Variants in FAIM observed in about 807,000 individuals in gnomAD.
The protein encoded by FAIM is Fas apoptotic inhibitory molecule, also known as fas apoptotic inhibitory molecule 1.
A neutral mutation model predicts 21.2 loss-of-function variants in FAIM; 14 were observed. That is an observed-to-expected ratio of 0.66 (90% CI 0.44 to 1.03). FAIM has a LOEUF of 1.03. Among genes scored for constraint, FAIM ranks in the 50% least tolerant of loss-of-function variants. The pLI, the probability that FAIM is intolerant of heterozygous loss-of-function variation, is 0.00. For synonymous variants in FAIM, 86 were observed against 80.4 expected (o/e 1.07, Z -0.37); for missense variants, 222 against 247.1 (o/e 0.90, Z 0.68).
At chr3:138,619,871 T>G in intron 2 of FAIM, 101 bp downstream of exon 2, 1 of 1,192,954 alleles carries the variant, frequency 8.4e-7, no homozygotes, top group Non-Finnish European at 1.2e-6. Context: ...GAATACATTT[T>G]GTAAAATTGC....
At chr3:138,627,026 G>T (rs1324154802) in intron 4 of FAIM, among the ~76,000 whole-genome samples, 1 of 151,858 alleles carries the variant, frequency 6.6e-6, no homozygotes, top group Non-Finnish European at 1.5e-5. Flanking sequence ...TTGGTTGTTG[G>T]TCTTTTTCTC....
chr3:138,610,058 C>CA (rs2108329786), intron 1 of FAIM, among the ~76,000 whole-genome samples: 1 of 152,332 alleles, frequency 6.6e-6, no homozygotes, highest in African/African-American at 2.4e-5. Flanking sequence ...AAGATGTCAA[C>CA]ACTTGAGTGT....
chr3:138,615,722 G>T (rs1482126941), intron 1 of FAIM, among the ~76,000 whole-genome samples: 1 of 152,222 alleles, frequency 6.6e-6, no homozygotes, highest in Non-Finnish European at 1.5e-5. Flanking sequence ...CCAAAAAACA[G>T]ATGTCAGTCT....
chr3:138,625,901 ATG>A (rs2042933794), intron 4 of FAIM, among the ~76,000 whole-genome samples: 1 of 152,172 alleles, frequency 6.6e-6, no homozygotes, highest in Admixed American at 6.5e-5. Context: ...CACCTAAAAA[ATG>A]TGAGGCATAT....
At chr3:138,631,473 CAT>C (rs144816366) in intron 5 of FAIM, among the ~76,000 whole-genome samples, 2,635 of 152,264 alleles carry the variant, frequency 0.017, 63 homozygotes, top group African/African-American at 0.052. Flanking sequence ...TATTCATCCA[CAT>C]GTCTTTGTTT....
intron 1 of FAIM, among the ~76,000 whole-genome samples, chr3:138,617,593 ATTATACTATC>A (rs1468118458): frequency 6.9e-6 from 1 of 145,770 alleles, no homozygotes; most frequent in Non-Finnish European, 1.5e-5. Context: ...AGTACATGTA[ATTATACTATC>A]TTATACTATC....
rs758479053 is a variant in FAIM, at chr3:138,621,418, G to A, written c.56G>A (p.Ser19Asn). ...IFEDDESPPY[S>N]LEKMTDLVAV... ...TTTTATTCCTTTAGCCCTCCTTACA[G>A]CCTAGAAAAAATGACAGATCTCGTA... Residue 19 changes from serine (S) to asparagine (N), a missense_variant, in exon 3 of 6, where the codon AGC becomes AAC. Coordinates refer to ENST00000360570, the MANE Select transcript of FAIM (RefSeq NM_001033031.2). 3.7e-6 allele frequency: 6 copies of A among 1,613,816 alleles called. No individual in the cohort carries two copies. The highest frequency in any genetic ancestry group is 3.3e-5 in the Admixed American group (2 of 59,976).
intron 4 of FAIM, among the ~76,000 whole-genome samples, chr3:138,627,361 T>G (rs2042950331): frequency 6.6e-6 from 1 of 152,036 alleles, no homozygotes; most frequent in South Asian, 2.1e-4. Flanking sequence ...TTTTGTATTT[T>G]TAGTAGAGAC....
At chr3:138,632,390 G>A (rs2043015321) in intron 5 of FAIM, among the ~76,000 whole-genome samples, 1 of 151,854 alleles carries the variant, frequency 6.6e-6, no homozygotes, top group Non-Finnish European at 1.5e-5. Flanking sequence ...AATTTGAAGT[G>A]CCCAATAGCC....
rs112011465 is a variant in FAIM at position 138,618,083 on chromosome 3, C to T, written c.-16-1628C>T. 3.6e-3 allele frequency among the ~76,000 whole-genome samples: 545 copies of T among 151,396 alleles called. 2 individuals carry two copies. The highest frequency in any genetic ancestry group is 0.012 in the African/African-American group (504 of 41,354). Reference sequence around the variant, plus strand: ...GCAGCTTCTAACTCCTAGGCTCAAGCGATCCTCCCACCTTAGCCTCCCCCA... The same window carrying T: ...GCAGCTTCTAACTCCTAGGCTCAAGTGATCCTCCCACCTTAGCCTCCCCCA... On this transcript the variant is annotated intron_variant, in intron 1 of 5. Coordinates refer to ENST00000360570, the MANE Select transcript of FAIM (RefSeq NM_001033031.2).
intron 1 of FAIM, among the ~76,000 whole-genome samples, chr3:138,615,913 A>G (rs943712398): frequency 1.3e-5 from 2 of 152,264 alleles, no homozygotes; most frequent in African/African-American, 4.8e-5. Flanking sequence ...GCCCAAAAGC[A>G]GGAGGCAGAG....
intron 1 of FAIM, among the ~76,000 whole-genome samples, chr3:138,612,378 G>A (rs1348365452): frequency 2.0e-5 from 3 of 152,080 alleles, no homozygotes; most frequent in Non-Finnish European, 4.4e-5. Flanking sequence ...TGGGATTACA[G>A]GCGTGAGTCA....
intron 1 of FAIM, chr3:138,610,882 C>T: frequency 7.6e-7 from 1 of 1,321,274 alleles, no homozygotes; most frequent in Non-Finnish European, 1.1e-6. Context: ...TCGCGCCTGG[C>T]CACTTTCTCC....
At chr3:138,625,565 A>C (rs1399616517) in intron 4 of FAIM, among the ~76,000 whole-genome samples, 2 of 152,040 alleles carry the variant, frequency 1.3e-5, no homozygotes, top group Admixed American at 1.3e-4. Context: ...GGTAAAATTC[A>C]CTCTTGTATG....
At chr3:138,632,254 C>T (rs1035447397) in intron 5 of FAIM, among the ~76,000 whole-genome samples, 2 of 150,886 alleles carry the variant, frequency 1.3e-5, no homozygotes, top group African/African-American at 4.9e-5. Flanking sequence ...ATCAATATAC[C>T]AAAAATAGTA....
chr3:138,613,422 AT>A, intron 1 of FAIM, among the ~76,000 whole-genome samples: 1 of 152,050 alleles, frequency 6.6e-6, no homozygotes. Flanking sequence ...ATTTCCAAAT[AT>A]TTTCTCTCAT....
intron 4 of FAIM, among the ~76,000 whole-genome samples, chr3:138,625,887 TC>T (rs957796464): frequency 1.3e-5 from 2 of 152,166 alleles, no homozygotes; most frequent in Non-Finnish European, 2.9e-5. Flanking sequence ...GCATTTTTTT[TC>T]ACCACCTAAA....
At position 138,633,112 on chromosome 3, in the gene FAIM, CT is replaced by C. The variant is rs1553876580; in HGVS notation, c.*38del. On this transcript the variant is annotated 3_prime_UTR_variant, in exon 6 of 6. Coordinates refer to ENST00000360570, the MANE Select transcript of FAIM (RefSeq NM_001033031.2). ...TCATCTTAAGAAGTAAAGATCAGGACTTTTTAATTACTGTGGTAATTAAATG... is the reference window on the plus strand; with the variant it reads ...TCATCTTAAGAAGTAAAGATCAGGACTTTTAATTACTGTGGTAATTAAATG... 6.3e-7 allele frequency: 1 copy of C among 1,594,000 alleles called. No homozygotes were observed. The highest frequency in any genetic ancestry group is 8.6e-7 in the Non-Finnish European group (1 of 1,165,346).
chr3:138,631,621 A>T, intron 5 of FAIM, among the ~76,000 whole-genome samples: 1 of 152,138 alleles, frequency 6.6e-6, no homozygotes, highest in Admixed American at 6.6e-5. Context: ...CCAGTACTGT[A>T]CGTACCCACA....
Sources: allele counts gnomAD v4.1 joint callset (sites outside exome capture counted in the v4.1 genomes callset), GRCh38; gene constraint gnomAD v4.1.1; transcripts MANE v1.5; gene names NCBI Gene and HGNC (gene_info 2026-07-23, HGNC 2026-07-21).